The following PAK6 variants were observed in gnomAD, a reference collection of about 807,000 sequenced individuals.
PAK6 encodes the protein serine/threonine-protein kinase PAK 6.
A neutral mutation model predicts 60.8 loss-of-function variants in PAK6; 33 were observed. The ratio of observed to expected loss-of-function variants is 0.54; its 90% confidence interval spans 0.41 to 0.73. The LOEUF (loss-of-function observed/expected upper bound fraction) is 0.73, where lower values mean the gene tolerates loss of function less well. Ranked by LOEUF, PAK6 falls within the 30% of genes least tolerant of loss-of-function variation. The pLI is 0.00. For synonymous variants in PAK6, 404 were observed against 378.5 expected (o/e 1.07, Z -0.78); for missense variants, 845 against 904.1 (o/e 0.93, Z 0.84).
intron 3 of PAK6, chr15:40,260,371 A>G (rs1363369951): frequency 6.6e-6 from 1 of 152,180 alleles, no homozygotes; most frequent in African/African-American, 2.4e-5. Context: ...CCATTCCCCC[A>G]GCATGTTGCA....
At chr15:40,274,792 A>G (rs1420493245) in intron 10 of PAK6, among the ~76,000 whole-genome samples, 1 of 152,224 alleles carries the variant, frequency 6.6e-6, no homozygotes, top group Non-Finnish European at 1.5e-5. Context: ...AAGTGTATAC[A>G]TGTAACCCTT....
chr15:40,255,049 A>T (rs780388168), intron 3 of PAK6, among the ~76,000 whole-genome samples: 1 of 152,166 alleles, frequency 6.6e-6, no homozygotes, highest in Non-Finnish European at 1.5e-5. Flanking sequence ...AAAAAAAGGC[A>T]ATCTTGTGAT....
At chr15:40,260,166 T>C (rs2038946809) in intron 3 of PAK6, 1 of 152,170 alleles carries the variant, frequency 6.6e-6, no homozygotes, top group Non-Finnish European at 1.5e-5. Context: ...ATGATCACAC[T>C]AGACCTGAGG....
intron 2 of PAK6, chr15:40,252,323 A>C (rs764313551): frequency 5.5e-6 from 7 of 1,268,606 alleles, no homozygotes; most frequent in Admixed American, 2.6e-5. Flanking sequence ...CGAGGCGGCC[A>C]CTGGGCCGTG....
rs2039346681 is a variant in PAK6, at chr15:40,272,792, T to A, written c.1356+71T>A. Reference sequence around the variant, plus strand: ...AGTGAGCAGCCAGCCAGGCTGGACATCTGTGAGCAGGGGCAGTGGGTGGCC... The same window carrying A: ...AGTGAGCAGCCAGCCAGGCTGGACAACTGTGAGCAGGGGCAGTGGGTGGCC... On this transcript the variant is annotated intron_variant, in intron 6 of 10. Coordinates refer to ENST00000560346, the Ensembl canonical transcript of PAK6. The A allele has an allele frequency of 1.3e-5, 20 of 1,588,304 alleles. No individual in the cohort carries two copies. In the South Asian group the frequency reaches 2.3e-4, roughly 18 times the overall value.
At position 40,265,917 on chromosome 15, in the gene PAK6, G is replaced by C. The variant is rs546721230; in HGVS notation, c.280G>C (p.Val94Leu). The stretch of plus-strand genomic sequence containing the variant: ...GCTCAACGACATCCAGAAGTTGTCA[G>C]TCATCAGCTCCAACACCCTGCGTGG... The change falls in exon 5 of 11, where the codon GTC becomes CTC. Residue 94 changes from valine to leucine, a missense_variant. Val to Leu is a conservative substitution (Grantham distance 32, BLOSUM62 1). Transcript: ENST00000560346. 40 of 1,596,636 alleles carry C rather than the reference G, an allele frequency of 2.5e-5. No homozygotes were observed. In the South Asian group the frequency reaches 2.9e-4, roughly 12 times the overall value.
chr15:40,271,793 G>A (rs1383783586), intron 5 of PAK6, among the ~76,000 whole-genome samples: 1 of 152,216 alleles, frequency 6.6e-6, no homozygotes, highest in East Asian at 1.9e-4. Flanking sequence ...ATGGGTCCTG[G>A]GGTGGGGGAG....
intron 5 of PAK6, among the ~76,000 whole-genome samples, chr15:40,269,302 T>G (rs2039235632): frequency 6.6e-6 from 1 of 152,234 alleles, no homozygotes; most frequent in Non-Finnish European, 1.5e-5. Flanking sequence ...TACAGGCACC[T>G]GAGCCACCAT....
intron 2 of PAK6, among the ~76,000 whole-genome samples, chr15:40,243,777 C>T (rs906430862): frequency 3.9e-5 from 6 of 152,348 alleles, no homozygotes; most frequent in African/African-American, 1.4e-4. Context: ...CTTGAGACTC[C>T]TCTTTCTGGG....
exon 7 of PAK6, chr15:40,272,920 T>G: frequency 6.2e-7 from 1 of 1,614,058 alleles, no homozygotes; most frequent in Non-Finnish European, 8.5e-7. Context: ...GTACAAGAGC[T>G]ACCTGGTGGG....
chr15:40,266,370 G>A (rs1223904821), exon 5 of PAK6: 2 of 1,612,756 alleles, frequency 1.2e-6, no homozygotes, highest in Admixed American at 3.3e-5. Flanking sequence ...AGGTGGGGAA[G>A]GCAGCCCTAG....
At chr15:40,252,066 G>A (rs2038684374) in intron 2 of PAK6, 1 of 259,636 alleles carries the variant, frequency 3.9e-6, no homozygotes, top group East Asian at 1.2e-4. Context: ...CTTAAATCCC[G>A]CTTTCCTGCC....
intron 3 of PAK6, among the ~76,000 whole-genome samples, chr15:40,258,158 G>A (rs2038889242): frequency 6.6e-6 from 1 of 152,198 alleles, no homozygotes; most frequent in Admixed American, 6.5e-5. Context: ...CTGCAAGTTA[G>A]GACAGCCCCA....
At chr15:40,251,724 C>G (rs1320194543) in intron 2 of PAK6, 3 of 152,682 alleles carry the variant, frequency 2.0e-5, no homozygotes, top group Non-Finnish European at 4.4e-5. Context: ...GGGCCCAAGA[C>G]AAGGAGAGCA....
intron 2 of PAK6, among the ~76,000 whole-genome samples, chr15:40,244,661 G>C (rs895528346): frequency 3.9e-5 from 6 of 152,188 alleles, no homozygotes; most frequent in African/African-American, 1.4e-4. Flanking sequence ...GCCTCCCAAA[G>C]TGCTGGGATT....
intron 1 of PAK6, 198 bp from the exon 2 acceptor site, chr15:40,240,401 G>A: frequency 8.8e-6 from 3 of 341,712 alleles, no homozygotes; most frequent in South Asian, 6.7e-5. Flanking sequence ...TCAGGAGGAG[G>A]GGGGAGGTCC....
At chr15:40,266,264 C>G (rs969424209) in exon 5 of PAK6, 3 of 1,611,096 alleles carry the variant, frequency 1.9e-6, no homozygotes, top group Non-Finnish European at 2.5e-6. Flanking sequence ...CCTCGCCCCC[C>G]ACGGGCACCA....
rs181253186 is a variant in PAK6 at position 40,266,301 on chromosome 15, C to T, written c.664C>T (p.His222Tyr). Residue 222 changes from histidine to tyrosine, a missense_variant, in exon 5 of 11, where the codon CAT becomes TAT. Transcript: ENST00000560346. Reference sequence around the variant, plus strand: ...TAGGCATGGAATGAAGGCTGCCAAGCATGGCTCTGAGGAGGCCCGGCCACA... The same window carrying T: ...TAGGCATGGAATGAAGGCTGCCAAGTATGGCTCTGAGGAGGCCCGGCCACA... 64 of 1,611,910 alleles carry T rather than the reference C, an allele frequency of 4.0e-5. No individual in the cohort carries two copies. The East Asian group carries it at 1.3e-3, about 33-fold the overall frequency.
At chr15:40,272,613 C>T (rs1185035283) in exon 6 of PAK6, 1 of 1,611,958 alleles carries the variant, frequency 6.2e-7, no homozygotes, top group Admixed American at 1.7e-5. Context: ...TTGGCGAGGG[C>T]TCCACCGGCA....
Sources: gnomAD v4.1 joint callset for allele counts (sites outside exome capture counted in the v4.1 genomes callset) on GRCh38, gnomAD v4.1.1 for gene constraint, MANE v1.5 for transcripts, NCBI Gene and HGNC (gene_info 2026-07-23, HGNC 2026-07-21) for gene names.